RYR2: variants seen among roughly 807,000 people sequenced by gnomAD.
The protein encoded by RYR2 is cardiac muscle ryanodine receptor-calcium release channel.
In RYR2, 227 loss-of-function variants were observed where a neutral mutation model predicts 601.1. That is an observed-to-expected ratio of 0.38 (90% CI 0.34 to 0.42). RYR2 has a LOEUF of 0.42. Among genes scored for constraint, RYR2 ranks in the 10% least tolerant of loss-of-function variants. The probability of loss-of-function intolerance (pLI) is 1.00; values close to 1 mark genes in which losing one functional copy is unlikely to be tolerated. For missense variants in RYR2, 4,646 were observed against 6,156.5 expected, an observed-to-expected ratio of 0.75 and a Z score of 8.21; for synonymous variants, 2,223 against 2,175.1, an observed-to-expected ratio of 1.02 and a Z score of -0.61.
chr1:237,536,734 AAAT>A (rs1668665323), intron 25 of RYR2, among the ~76,000 whole-genome samples: 4 of 145,538 alleles, frequency 2.7e-5, no homozygotes, highest in African/African-American at 7.9e-5. Context: ...AAAAAAAAAA[AAAT>A]TAGCCGGGCA....
chr1:237,603,362 TG>T (rs901899799), intron 35 of RYR2, among the ~76,000 whole-genome samples: 104 of 152,098 alleles, frequency 6.8e-4, no homozygotes, highest in African/African-American at 2.5e-3. Context: ...GGGGACAGAG[TG>T]GGGCAAGGCC....
intron 12 of RYR2, among the ~76,000 whole-genome samples, chr1:237,435,218 A>G (rs1558812522): frequency 6.6e-6 from 1 of 152,256 alleles, no homozygotes; most frequent in Non-Finnish European, 1.5e-5. Context: ...ACTATGTGTC[A>G]AACAATGTGC....
chr1:237,188,801 T>C (rs898991672), intron 1 of RYR2, among the ~76,000 whole-genome samples: 1 of 152,216 alleles, frequency 6.6e-6, no homozygotes, highest in Admixed American at 6.5e-5. Flanking sequence ...CTAGGGAGTC[T>C]AGGGTTGCAG....
At chr1:237,450,368 C>T (rs1347868615) in intron 14 of RYR2, among the ~76,000 whole-genome samples, 1 of 152,146 alleles carries the variant, frequency 6.6e-6, no homozygotes, top group Non-Finnish European at 1.5e-5. Flanking sequence ...CACCTGGGTT[C>T]CCTTCCTGCT....
intron 2 of RYR2, among the ~76,000 whole-genome samples, chr1:237,323,601 T>C (rs1695853257): frequency 6.6e-6 from 1 of 152,216 alleles, no homozygotes; most frequent in African/African-American, 2.4e-5. Flanking sequence ...TTATGAAAGA[T>C]GCATGTCAAG....
chr1:237,126,849 T>C (rs1671489687), intron 1 of RYR2, among the ~76,000 whole-genome samples: 1 of 151,836 alleles, frequency 6.6e-6, no homozygotes, highest in Admixed American at 6.6e-5. Flanking sequence ...TTTGGCAGGG[T>C]CATAGGACAA....
chr1:237,827,892 G>A (rs1020543358), intron 101 of RYR2, among the ~76,000 whole-genome samples: 21 of 120,552 alleles, frequency 1.7e-4, no homozygotes, highest in Non-Finnish European at 3.4e-4. Flanking sequence ...AGCCGAGATT[G>A]TGCCACTGCA....
At chr1:237,632,389 C>CTTTTT (rs11448751) in intron 42 of RYR2, among the ~76,000 whole-genome samples, 31 of 127,438 alleles carry the variant, frequency 2.4e-4, no homozygotes, top group Non-Finnish European at 2.9e-4. Flanking sequence ...AAAGTGAATT[C>CTTTTT]TTTTTTTTTT....
intron 96 of RYR2, among the ~76,000 whole-genome samples, chr1:237,796,571 T>C (rs1439888667): frequency 6.6e-6 from 1 of 152,158 alleles, no homozygotes; most frequent in Non-Finnish European, 1.5e-5. Context: ...AAAAAGCCAA[T>C]TTTTATATCT....
chr1:237,103,253 G>A (rs1350522505), intron 1 of RYR2, among the ~76,000 whole-genome samples: 2 of 152,324 alleles, frequency 1.3e-5, no homozygotes, highest in South Asian at 2.1e-4. Context: ...TTCAGCTTCC[G>A]AACACTGTCC....
intron 7 of RYR2, among the ~76,000 whole-genome samples, chr1:237,376,054 A>AT (rs1701007947): frequency 6.6e-6 from 1 of 152,090 alleles, no homozygotes; most frequent in Non-Finnish European, 1.5e-5. Context: ...AAGGCAGATA[A>AT]TTTTTTCTTC....
intron 29 of RYR2, among the ~76,000 whole-genome samples, chr1:237,573,432 G>A (rs115281344): frequency 0.011 from 1,678 of 151,326 alleles, 24 homozygotes; most frequent in African/African-American, 0.038. Flanking sequence ...TCTATATACC[G>A]TCAAAAAGAA....
rs551140501 is a variant in RYR2, at chr1:237,436,454, CT to C, written c.1006-4841del. On this transcript the variant is annotated intron_variant, in intron 12 of 104. Transcript: ENST00000366574. ...AGCCGAGGGATAATGTGTGATTTTC[CT>C]TTTTTTTTTTTTTTTTTTTTTTTGC... Among the ~76,000 whole-genome samples, 63 of 48,726 alleles carry C rather than the reference CT, an allele frequency of 1.3e-3. 1 individual carries two copies. The highest frequency in any genetic ancestry group is 0.013 in the East Asian group (16 of 1,266). The allele number at this position is 48,726 out of a possible 152,430, so 32.0% of individuals were successfully genotyped here.
chr1:237,414,860 G>T (rs1313645238), intron 10 of RYR2, among the ~76,000 whole-genome samples: 1 of 152,176 alleles, frequency 6.6e-6, no homozygotes, highest in Non-Finnish European at 1.5e-5. Context: ...AGTGAGATAA[G>T]CAATCTGGGT....
At chr1:237,441,010 A>G (rs1707849631) in intron 12 of RYR2, among the ~76,000 whole-genome samples, 1 of 147,952 alleles carries the variant, frequency 6.8e-6, no homozygotes, top group African/African-American at 2.5e-5. Context: ...AAAAAAAAAA[A>G]TCCACAAAAA....
chr1:237,440,133 A>G (rs571955524), intron 12 of RYR2, among the ~76,000 whole-genome samples: 3 of 152,272 alleles, frequency 2.0e-5, no homozygotes, highest in African/African-American at 4.8e-5. Context: ...TTAATTTTCA[A>G]TTGTTTATGG....
chr1:237,104,794 C>T (rs2148539986), intron 1 of RYR2, among the ~76,000 whole-genome samples: 1 of 152,310 alleles, frequency 6.6e-6, no homozygotes, highest in Non-Finnish European at 1.5e-5. Context: ...GTCTCCTCCT[C>T]ATCTTTGTAC....
chr1:237,346,367 C>CAAAAAAAAAAAAAAAAAAAA lies in RYR2; in HGVS notation c.274-9581_274-9580insAAAAAAAAAAAAAAAAAAAA, dbSNP rs397975831. ...CTGGGCAAAGTGAGAGGGTCTACCT[C>CAAAAAAAAAAAAAAAAAAAA]AAAAAAAAAAAAAAAAAGTGCATAT... is the stretch of plus-strand genomic sequence containing the variant. On this transcript the variant is annotated intron_variant, in intron 3 of 104. Transcript: ENST00000366574. 6.7e-4 allele frequency among the ~76,000 whole-genome samples: 42 copies of CAAAAAAAAAAAAAAAAAAAA among 62,346 alleles called. 2 individuals are homozygous for CAAAAAAAAAAAAAAAAAAAA. The highest frequency in any genetic ancestry group is 1.6e-3 in the East Asian group (3 of 1,834). 40.9% of individuals were successfully genotyped at this position (62,346 alleles called of 152,430 possible).
intron 1 of RYR2, among the ~76,000 whole-genome samples, chr1:237,126,393 C>T (rs933628872): frequency 6.6e-6 from 1 of 152,156 alleles, no homozygotes; most frequent in African/African-American, 2.4e-5. Flanking sequence ...CTGGGGCTGC[C>T]CCCAGCTGAT....
Sources: gnomAD v4.1 joint callset for allele counts (sites outside exome capture counted in the v4.1 genomes callset) on GRCh38, gnomAD v4.1.1 for gene constraint, MANE v1.5 for transcripts, NCBI Gene and HGNC (gene_info 2026-07-23, HGNC 2026-07-21) for gene names.